Variants in MYLK4 observed in about 807,000 individuals in gnomAD.
The protein encoded by MYLK4 is caMLCK like.
In MYLK4, 46 loss-of-function variants were observed where a neutral mutation model predicts 48.1. The observed-to-expected ratio is 0.96, with a 90% CI of 0.75 to 1.22. The LOEUF is 1.22. Ranked by LOEUF, MYLK4 falls within the 50% of genes most tolerant of loss-of-function variation. The pLI, the probability that MYLK4 is intolerant of heterozygous loss-of-function variation, is 0.00. For synonymous variants in MYLK4, 170 were observed against 180.8 expected (o/e 0.94, Z 0.48); for missense variants, 451 against 486.1 (o/e 0.93, Z 0.68).
At chr6:2,709,835 T>C (rs1180218755) in intron 2 of MYLK4, among the ~76,000 whole-genome samples, 2 of 152,046 alleles carry the variant, frequency 1.3e-5, no homozygotes, top group Non-Finnish European at 2.9e-5. Flanking sequence ...ACTTTAAGAG[T>C]AGGTGTTGGG....
At chr6:2,671,216 T>C (rs1357037055) in intron 12 of MYLK4, 60 bp downstream of exon 12, 1 of 1,186,748 alleles carries the variant, frequency 8.4e-7, no homozygotes, top group East Asian at 2.3e-5. Flanking sequence ...GCTCCATTTA[T>C]TTCTTATTCC....
At chr6:2,716,185 G>C (rs867814246) in intron 2 of MYLK4, among the ~76,000 whole-genome samples, 1 of 152,162 alleles carries the variant, frequency 6.6e-6, no homozygotes, top group African/African-American at 2.4e-5. Flanking sequence ...AAGGATTTGA[G>C]GTTACTACCA....
At chr6:2,765,495 C>T in the MYLK4 span, 74 of 1,196,298 alleles carry the variant, frequency 6.2e-5, no homozygotes, top group African/African-American at 8.4e-4. Context: ...TCCTCCGGCC[C>T]GCGAGCGTCC....
chr6:2,684,902 TGA>T (rs1264809253), intron 6 of MYLK4, among the ~76,000 whole-genome samples: 1 of 152,150 alleles, frequency 6.6e-6, no homozygotes, highest in African/African-American at 2.4e-5. Context: ...TTTATAAAGG[TGA>T]GTTTAAATGG....
At chr6:2,750,694 G>A (rs983560544) in intron 1 of MYLK4, 42 bp downstream of exon 1, 4 of 152,188 alleles carry the variant, frequency 2.6e-5, no homozygotes, top group African/African-American at 9.7e-5. Flanking sequence ...GAAAAAAGGG[G>A]AGGAGATTTG....
chr6:2,672,302 C>A lies in MYLK4; in HGVS notation c.1120-954G>T, dbSNP rs947170182. Among the ~76,000 whole-genome samples, 1 of 152,142 alleles carries A rather than the reference C, an allele frequency of 6.6e-6. No homozygotes were observed. Among genetic ancestry groups the A allele is most frequent in the Non-Finnish European group, 1.5e-5 (1 of 68,032 alleles). On this transcript the variant is annotated intron_variant, in intron 11 of 12. Transcript: ENST00000274643. The surrounding 1 kb of genome is among the most constrained non-coding windows in gnomAD (Gnocchi z 4.3). ...TTTGCCCCACCCCAGCTGAGAGCTG[C>A]TTCTGATGGAAACAGGTTATACACA...
Position 2,666,724 on chromosome 6 carries a change from C to T in MYLK4, c.*1201G>A, listed in dbSNP as rs998759226. ...TCATTTCGCTCTTTAAAGCCCAGTG[C>T]CTTTCTGGGCCCCATAAGCTGTCTA... On this transcript the variant is annotated 3_prime_UTR_variant, in exon 13 of 13. Transcript: ENST00000274643. 3 of 152,192 alleles carry T rather than the reference C, an allele frequency of 2.0e-5. No individual in the cohort carries two copies. Among genetic ancestry groups the T allele is most frequent in the Admixed American group, 2.0e-4 (3 of 15,284 alleles). The allele number at this position is 152,192 out of a possible 1,614,324, so 9.4% of individuals were successfully genotyped here.
intron 1 of MYLK4, among the ~76,000 whole-genome samples, chr6:2,749,965 T>G (rs1334144904): frequency 6.6e-6 from 1 of 152,244 alleles, no homozygotes; most frequent in Non-Finnish European, 1.5e-5. Flanking sequence ...GCATCTGCAT[T>G]AACAGCTATG....
At chr6:2,747,715 C>T (rs1356360621) in intron 2 of MYLK4, among the ~76,000 whole-genome samples, 1 of 152,108 alleles carries the variant, frequency 6.6e-6, no homozygotes, top group African/African-American at 2.4e-5. Flanking sequence ...TGGAGAAAAA[C>T]AGTACTTGAA....
the MYLK4 span, among the ~76,000 whole-genome samples, chr6:2,761,631 A>T: frequency 6.6e-6 from 1 of 152,182 alleles, no homozygotes; most frequent in Non-Finnish European, 1.5e-5. Context: ...AGGCATTCTT[A>T]TTCCTCCTTT....
intron 2 of MYLK4, among the ~76,000 whole-genome samples, chr6:2,695,335 C>T (rs1229843299): frequency 2.0e-5 from 3 of 152,178 alleles, no homozygotes; most frequent in Non-Finnish European, 4.4e-5. Context: ...TCAATTTCTA[C>T]TCATAAAAGT....
At chr6:2,683,309 A>G (rs1761389524) in intron 6 of MYLK4, 147 bp from the exon 7 acceptor site, 1 of 845,084 alleles carries the variant, frequency 1.2e-6, no homozygotes, top group Admixed American at 2.6e-5. Flanking sequence ...TATCTTACTT[A>G]GATGATTCTT....
At chr6:2,694,565 A>ATG (rs1761976206) in intron 2 of MYLK4, among the ~76,000 whole-genome samples, 33 of 32,744 alleles carry the variant, frequency 1.0e-3, no homozygotes, top group African/African-American at 3.8e-3. Context: ...TCGTGGTGGT[A>ATG]GTGGTAGTGC....
At chr6:2,762,277 A>G in the MYLK4 span, among the ~76,000 whole-genome samples, 5 of 152,340 alleles carry the variant, frequency 3.3e-5, no homozygotes, top group South Asian at 2.1e-4. Context: ...TATTAACAAT[A>G]AAGTTGGACG....
the MYLK4 span, chr6:2,765,771 C>A: frequency 6.8e-7 from 1 of 1,464,154 alleles, no homozygotes; most frequent in Non-Finnish European, 9.0e-7. Flanking sequence ...CACGCGGAGC[C>A]CGCGGCCGGG....
the MYLK4 span, among the ~76,000 whole-genome samples, chr6:2,767,399 C>G: frequency 1.3e-5 from 2 of 152,226 alleles, no homozygotes; most frequent in African/African-American, 2.4e-5. Flanking sequence ...CGTTTGCACA[C>G]AAGGCTTTTA....
upstream of MYLK4, among the ~76,000 whole-genome samples, chr6:2,753,793 C>T (rs2113393383): frequency 6.6e-6 from 1 of 152,022 alleles, no homozygotes; most frequent in African/African-American, 2.4e-5. Flanking sequence ...AATCAGTCAT[C>T]AGGGAGATGC....
intron 9 of MYLK4, 74 bp from the exon 10 acceptor site, chr6:2,678,446 G>C: frequency 6.6e-7 from 1 of 1,507,052 alleles, no homozygotes; most frequent in Non-Finnish European, 9.0e-7. Flanking sequence ...TGCTTTTCTG[G>C]TTGTGCCATT....
At chr6:2,719,946 T>G (rs1321144410) in intron 2 of MYLK4, among the ~76,000 whole-genome samples, 5 of 151,772 alleles carry the variant, frequency 3.3e-5, no homozygotes, top group Admixed American at 1.3e-4. Flanking sequence ...GAGACCAGCC[T>G]GGTGAACATG....
Sources: allele counts gnomAD v4.1 joint callset (sites outside exome capture counted in the v4.1 genomes callset), GRCh38; gene constraint gnomAD v4.1.1; non-coding constraint Gnocchi (gnomAD v3.1); transcripts MANE v1.5; gene names NCBI Gene and HGNC (gene_info 2026-07-23, HGNC 2026-07-21).